MYO9A: variants seen among roughly 807,000 people sequenced by gnomAD.
MYO9A encodes myosin IXA.
MYO9A carries 103 observed loss-of-function variants against 293.3 expected under a neutral mutation model. The observed-to-expected ratio is 0.35, with a 90% CI of 0.30 to 0.41. The LOEUF is 0.41. Ranked by LOEUF, MYO9A falls within the 10% of genes least tolerant of loss-of-function variation. The pLI, the probability that MYO9A is intolerant of heterozygous loss-of-function variation, is 1.00. For synonymous variants in MYO9A, 1,001 were observed against 1,035.7 expected (o/e 0.97, Z 0.64); for missense variants, 2,685 against 3,033.0 (o/e 0.89, Z 2.69).
chr15:71,937,126 A>C (rs992405748), intron 16 of MYO9A, among the ~76,000 whole-genome samples: 1 of 152,142 alleles, frequency 6.6e-6, no homozygotes, highest in Non-Finnish European at 1.5e-5. Flanking sequence ...AAATGACAAC[A>C]TATTCTGCAG....
intron 1 of MYO9A, among the ~76,000 whole-genome samples, chr15:72,064,574 C>T (rs867894433): frequency 4.6e-5 from 7 of 152,278 alleles, no homozygotes; most frequent in Middle Eastern, 6.8e-3. Flanking sequence ...GTAATTACAC[C>T]AGTGTATACC....
intron 38 of MYO9A, among the ~76,000 whole-genome samples, chr15:71,849,453 A>AAATT (rs111825252): frequency 0.029 from 4,445 of 152,048 alleles, 160 homozygotes; most frequent in African/African-American, 0.078. Flanking sequence ...CCATCTCAAA[A>AAATT]AATTAATTAA....
At chr15:71,860,072 C>T (rs925160858) in intron 33 of MYO9A, among the ~76,000 whole-genome samples, 1 of 152,144 alleles carries the variant, frequency 6.6e-6, no homozygotes, top group Non-Finnish European at 1.5e-5. Context: ...CTATGCCATA[C>T]AGTACCACTC....
intron 2 of MYO9A, among the ~76,000 whole-genome samples, chr15:72,033,560 T>A (rs1051315820): frequency 6.6e-6 from 1 of 152,164 alleles, no homozygotes; most frequent in African/African-American, 2.4e-5. Flanking sequence ...ACATATCATA[T>A]AATCTATTTA....
intron 32 of MYO9A, among the ~76,000 whole-genome samples, chr15:71,865,797 A>C (rs1214091567): frequency 6.6e-6 from 1 of 152,210 alleles, no homozygotes; most frequent in African/African-American, 2.4e-5. Flanking sequence ...TAAAATGGCT[A>C]AATAGTTAAA....
chr15:71,898,970 A>G lies in MYO9A; in HGVS notation c.3533T>C (p.Ile1178Thr). 6.2e-7 allele frequency: 1 copy of G among 1,613,638 alleles called. No individual in the cohort carries two copies. Among genetic ancestry groups the G allele is most frequent in the African/African-American group, 1.3e-5 (1 of 75,016 alleles). Reference protein sequence around the residue: ...ETKPEVGLVNIKGYGSLEIQG... With the variant: ...ETKPEVGLVNTKGYGSLEIQG... ...AATTTCCAGAGATCCATATCCCTTA[A>G]TATTCACCAATCCAACTTCTGGCTT... Residue 1178 changes from isoleucine (I) to threonine (T), a missense_variant, in exon 25 of 42, where the codon ATT (isoleucine) becomes ACT (threonine). Physicochemically the swap from Ile to Thr is moderately conservative, Grantham distance 89 (BLOSUM62 -1). This residue lies in a region of MYO9A where 1,434 missense variants were observed against 1,497.7 expected (regional missense o/e 0.96). Transcript: ENST00000356056.
intron 14 of MYO9A, among the ~76,000 whole-genome samples, chr15:71,955,845 T>C (rs1307049058): frequency 6.6e-6 from 1 of 152,136 alleles, no homozygotes; most frequent in Non-Finnish European, 1.5e-5. Context: ...ATCTCTTAGC[T>C]CTATACCTGA....
chr15:71,834,648 G>A (rs761855060), intron 39 of MYO9A, among the ~76,000 whole-genome samples: 2 of 151,772 alleles, frequency 1.3e-5, no homozygotes, highest in South Asian at 2.1e-4. Context: ...GTGGTGGCAC[G>A]TGCCTGTAGT....
chr15:71,907,215 T>C (rs1352479442), intron 19 of MYO9A, among the ~76,000 whole-genome samples: 3 of 151,580 alleles, frequency 2.0e-5, no homozygotes, highest in East Asian at 3.9e-4. Flanking sequence ...GTTTTTGCGA[T>C]AGTTTACTGA....
At chr15:71,856,641 A>G (rs1010993402) in intron 34 of MYO9A, among the ~76,000 whole-genome samples, 1 of 152,234 alleles carries the variant, frequency 6.6e-6, no homozygotes, top group African/African-American at 2.4e-5. Context: ...CAGTATTATC[A>G]GTATTATTTT....
At chr15:72,113,902 G>GT (rs575865676) in intron 1 of MYO9A, among the ~76,000 whole-genome samples, 75 of 152,246 alleles carry the variant, frequency 4.9e-4, no homozygotes, top group South Asian at 4.1e-3. Context: ...CTTTTAAAAC[G>GT]TTTTAAAACA....
At chr15:72,041,144 C>T (rs561523152) in intron 2 of MYO9A, 20 of 744,022 alleles carry the variant, frequency 2.7e-5, no homozygotes, top group South Asian at 1.1e-4. Flanking sequence ...ATTTGGGAGG[C>T]TGAGGTGGGA....
chr15:72,003,230 T>C (rs1327331958), intron 8 of MYO9A, among the ~76,000 whole-genome samples: 1 of 148,968 alleles, frequency 6.7e-6, no homozygotes, highest in African/African-American at 2.5e-5. Flanking sequence ...GATCGCACCA[T>C]TGCACTGTAG....
chr15:72,117,853 C>G lies in MYO9A; in HGVS notation c.-245G>C. 2.5e-6 allele frequency: 1 copy of G among 398,564 alleles called. No homozygotes were observed. Among genetic ancestry groups the G allele is most frequent in the East Asian group, 3.6e-5 (1 of 28,070 alleles). The allele number at this position is 398,564 out of a possible 1,614,324, so 24.7% of individuals were successfully genotyped here. ...TCAGGGTCCGGGCGAGCGGCCGCGG[C>G]GCATCCCCCGCCCTGTCAGAGAGAC... is the stretch of plus-strand genomic sequence containing the variant. On this transcript the variant is annotated 5_prime_UTR_variant, in exon 1 of 42. Transcript: ENST00000356056.
At chr15:71,972,308 T>C (rs2076032202) in intron 12 of MYO9A, 1 of 152,110 alleles carries the variant, frequency 6.6e-6, no homozygotes, top group African/African-American at 2.4e-5. Flanking sequence ...GCCCTACACA[T>C]CTCTTCATTG....
At chr15:72,041,012 A>T (rs369215101) in intron 2 of MYO9A, among the ~76,000 whole-genome samples, 13 of 152,314 alleles carry the variant, frequency 8.5e-5, no homozygotes, top group African/African-American at 3.1e-4. Context: ...TGGGAAGCCA[A>T]AGCAGGTGGA....
intron 25 of MYO9A, chr15:71,897,000 A>G (rs2057349607): frequency 1.3e-5 from 2 of 157,722 alleles, no homozygotes; most frequent in African/African-American, 4.8e-5. Flanking sequence ...AAAATGGTTA[A>G]GATGGGAAAT....
Position 71,823,207 on chromosome 15 carries a change from C to T in MYO9A, c.*3373G>A, listed in dbSNP as rs979083776. 2.6e-5 allele frequency: 4 copies of T among 152,176 alleles called. No individual in the cohort carries two copies. Among genetic ancestry groups the T allele is most frequent in the African/African-American group, 9.7e-5 (4 of 41,428 alleles). 9.4% of individuals were successfully genotyped at this position (152,176 alleles called of 1,614,324 possible). Reference sequence around the variant, plus strand: ...ACATCCTGAGAATCCTTTCTTCTTTCTAGTTTACCAAAGTGCTTGTTACAG... The same window carrying T: ...ACATCCTGAGAATCCTTTCTTCTTTTTAGTTTACCAAAGTGCTTGTTACAG... On this transcript the variant is annotated 3_prime_UTR_variant, in exon 42 of 42. Coordinates refer to ENST00000356056, the MANE Select transcript of MYO9A (RefSeq NM_006901.4).
At chr15:71,937,623 T>G (rs2058674934) in intron 16 of MYO9A, among the ~76,000 whole-genome samples, 1 of 152,156 alleles carries the variant, frequency 6.6e-6, no homozygotes, top group Admixed American at 6.5e-5. Context: ...TTTGTGTGAT[T>G]TGTTTTACTG....
Sources: gnomAD v4.1 joint callset for allele counts (sites outside exome capture counted in the v4.1 genomes callset) on GRCh38, gnomAD v4.1.1 for gene constraint, gnomAD v4.1.1 regional missense constraint, MANE v1.5 for transcripts, NCBI Gene and HGNC (gene_info 2026-07-23, HGNC 2026-07-21) for gene names.